CNIH3: variants seen among roughly 807,000 people sequenced by gnomAD.
The protein encoded by CNIH3 is protein cornichon homolog 3.
In CNIH3, 14 loss-of-function variants were observed where a neutral mutation model predicts 24.1. The observed-to-expected ratio is 0.58, with a 90% CI of 0.38 to 0.91. The LOEUF (loss-of-function observed/expected upper bound fraction) is 0.91, where lower values mean the gene tolerates loss of function less well. Among genes scored for constraint, CNIH3 ranks in the 40% least tolerant of loss-of-function variants. CNIH3 has a pLI of 0.00. For synonymous variants in CNIH3, 68 were observed against 73.8 expected (o/e 0.92, Z 0.40); for missense variants, 178 against 196.8 (o/e 0.90, Z 0.57).
intron 1 of CNIH3, among the ~76,000 whole-genome samples, chr1:224,459,783 G>T (rs1263693107): frequency 1.3e-5 from 2 of 151,976 alleles, no homozygotes; most frequent in Non-Finnish European, 2.9e-5. Flanking sequence ...AAAGCCCTGG[G>T]CCTGAGCTCA....
At chr1:224,710,294 T>C (rs1206837938) in intron 3 of CNIH3, among the ~76,000 whole-genome samples, 1 of 152,234 alleles carries the variant, frequency 6.6e-6, no homozygotes, top group African/African-American at 2.4e-5. Context: ...CTTCGTGAAT[T>C]ACAGCCCTCC....
intron 1 of CNIH3, among the ~76,000 whole-genome samples, chr1:224,471,868 G>T (rs1676387805): frequency 6.6e-6 from 1 of 152,130 alleles, no homozygotes; most frequent in Non-Finnish European, 1.5e-5. Flanking sequence ...GGGATTACAG[G>T]TGTGAGCCAC....
intron 3 of CNIH3, among the ~76,000 whole-genome samples, chr1:224,599,185 A>AT (rs1682108692): frequency 6.6e-6 from 1 of 152,184 alleles, no homozygotes; most frequent in South Asian, 2.1e-4. Flanking sequence ...ATTCTGCAAT[A>AT]TGAAATGGGC....
intron 1 of CNIH3, among the ~76,000 whole-genome samples, chr1:224,633,448 C>T (rs1683929147): frequency 6.6e-6 from 1 of 152,156 alleles, no homozygotes; most frequent in Non-Finnish European, 1.5e-5. Flanking sequence ...CATGAGCCAC[C>T]AGGCCTGGCA....
At chr1:224,710,938 C>T (rs936944735) in intron 3 of CNIH3, among the ~76,000 whole-genome samples, 11 of 152,256 alleles carry the variant, frequency 7.2e-5, no homozygotes, top group South Asian at 2.1e-4. Flanking sequence ...TGTTTTATCT[C>T]GCTTACCTGG....
chr1:224,650,051 C>G (rs1684792297), intron 1 of CNIH3, among the ~76,000 whole-genome samples: 1 of 152,176 alleles, frequency 6.6e-6, no homozygotes, highest in Admixed American at 6.5e-5. Flanking sequence ...CAATTATCTA[C>G]AAAAATGCTC....
At chr1:224,465,111 C>CTTT (rs547660025) in intron 1 of CNIH3, among the ~76,000 whole-genome samples, 1 of 142,770 alleles carries the variant, frequency 7.0e-6, no homozygotes, top group African/African-American at 2.5e-5. Flanking sequence ...TTAGAATTAT[C>CTTT]TTTTTTTTTT....
chr1:224,645,980 G>A (rs1684586432), intron 1 of CNIH3, among the ~76,000 whole-genome samples: 1 of 152,142 alleles, frequency 6.6e-6, no homozygotes, highest in African/African-American at 2.4e-5. Context: ...ATTGTGCTGG[G>A]TAGCCCTTTA....
intron 1 of CNIH3, among the ~76,000 whole-genome samples, chr1:224,472,464 G>T (rs952913211): frequency 9.2e-5 from 14 of 152,184 alleles, no homozygotes; most frequent in African/African-American, 3.1e-4. Context: ...CCATAAAAAG[G>T]AGAGAAATAA....
At chr1:224,600,977 C>G (rs993266250) in intron 3 of CNIH3, among the ~76,000 whole-genome samples, 1 of 152,222 alleles carries the variant, frequency 6.6e-6, no homozygotes, top group Non-Finnish European at 1.5e-5. Context: ...CTGCAGCAAC[C>G]TCAATTCTTG....
At chr1:224,516,160 CA>C (rs1215185410) in intron 1 of CNIH3, among the ~76,000 whole-genome samples, 1 of 151,616 alleles carries the variant, frequency 6.6e-6, no homozygotes, top group African/African-American at 2.4e-5. Context: ...ACTAAAAATA[CA>C]AAAATTAGCT....
At chr1:224,690,039 C>G (rs920421111) in intron 3 of CNIH3, among the ~76,000 whole-genome samples, 2 of 152,076 alleles carry the variant, frequency 1.3e-5, no homozygotes, top group African/African-American at 4.8e-5. Flanking sequence ...ACTCCTGTTG[C>G]ATCTGCAAGT....
intron 1 of CNIH3, among the ~76,000 whole-genome samples, chr1:224,633,983 T>A (rs1683956479): frequency 6.6e-6 from 1 of 152,248 alleles, no homozygotes; most frequent in Non-Finnish European, 1.5e-5. Flanking sequence ...CAGAAAAACA[T>A]CTTATTTCTC....
chr1:224,517,143 C>G (rs1678422281), intron 1 of CNIH3, among the ~76,000 whole-genome samples: 1 of 151,956 alleles, frequency 6.6e-6, no homozygotes, highest in Non-Finnish European at 1.5e-5. Context: ...CTTGCATTTT[C>G]CCCTATCTCT....
chr1:224,662,125 T>C (rs1005025079), intron 1 of CNIH3, among the ~76,000 whole-genome samples: 2 of 152,234 alleles, frequency 1.3e-5, no homozygotes, highest in Admixed American at 6.5e-5. Context: ...CAAAAACATG[T>C]TTTGCCTATA....
chr1:224,629,234 C>T (rs1377097110), intron 1 of CNIH3, among the ~76,000 whole-genome samples: 5 of 152,078 alleles, frequency 3.3e-5, no homozygotes, highest in Non-Finnish European at 7.3e-5. Flanking sequence ...GTCTTGAACT[C>T]CTGAACCCAT....
intron 1 of CNIH3, among the ~76,000 whole-genome samples, chr1:224,662,813 A>G (rs1685426184): frequency 6.6e-6 from 1 of 152,206 alleles, no homozygotes; most frequent in African/African-American, 2.4e-5. Flanking sequence ...TAGTAGTGCA[A>G]ACTCACCAGT....
At chr1:224,690,748 T>C (rs1686889444) in intron 3 of CNIH3, among the ~76,000 whole-genome samples, 1 of 152,196 alleles carries the variant, frequency 6.6e-6, no homozygotes, top group South Asian at 2.1e-4. Flanking sequence ...GGCATTCTCA[T>C]CACCACATGG....
chr1:224,632,668 G>C lies in CNIH3; in HGVS notation c.81+15413G>C, dbSNP rs376218623. Reference sequence around the variant, plus strand: ...ATCATGTGAAATCATCTGGAGCTGGGAACTGGCCCAGATGCTGTGGGATTT... The same window carrying C: ...ATCATGTGAAATCATCTGGAGCTGGCAACTGGCCCAGATGCTGTGGGATTT... On this transcript the variant is annotated intron_variant, in intron 1 of 5. Coordinates refer to ENST00000272133, the MANE Select transcript of CNIH3 (RefSeq NM_152495.2). Among the ~76,000 whole-genome samples the C allele has an allele frequency of 1.5e-3, 227 of 152,158 alleles. 11 individuals are homozygous for C. The South Asian group carries it at 0.046, about 31-fold the overall frequency.
Sources: gnomAD v4.1 joint callset for allele counts (sites outside exome capture counted in the v4.1 genomes callset) on GRCh38, gnomAD v4.1.1 for gene constraint, MANE v1.5 for transcripts, NCBI Gene and HGNC (gene_info 2026-07-23, HGNC 2026-07-21) for gene names.